Variants in SLC35F4 observed in about 807,000 individuals in gnomAD.
SLC35F4 encodes solute carrier family 35 member F4.
In SLC35F4, 24 loss-of-function variants were observed where a neutral mutation model predicts 44.2. That is an observed-to-expected ratio of 0.54 (90% CI 0.39 to 0.76). The LOEUF is 0.76. Ranked by LOEUF, SLC35F4 falls within the 30% of genes least tolerant of loss-of-function variation. The probability of loss-of-function intolerance (pLI) is 0.00; values close to 1 mark genes in which losing one functional copy is unlikely to be tolerated. For synonymous variants in SLC35F4, 238 were observed against 223.6 expected, an observed-to-expected ratio of 1.06 and a Z score of -0.57; for missense variants, 562 against 586.1, an observed-to-expected ratio of 0.96 and a Z score of 0.42.
intron 1 of SLC35F4, among the ~76,000 whole-genome samples, chr14:57,912,097 A>T (rs879431305): frequency 2.0e-5 from 3 of 151,866 alleles, no homozygotes; most frequent in African/African-American, 4.8e-5. Context: ...TTTAATGTTT[A>T]TGAGGTTGTA....
In SLC35F4 at chr14:57,732,981, G is replaced by C. The variant is rs570300555; in HGVS notation, c.103+132742C>G. Among the ~76,000 whole-genome samples, 3 of 152,126 alleles carry C rather than the reference G, an allele frequency of 2.0e-5. No individual in the cohort carries two copies. In the South Asian group the frequency reaches 6.2e-4, roughly 32 times the overall value. ...AGAAAAGGATATGAATTGAGCTTCA[G>C]AATTAAAGGTGACAGGAAGGGCAGT... On this transcript the variant is annotated intron_variant, in intron 1 of 7. Transcript: ENST00000556826.
intron 3 of SLC35F4, among the ~76,000 whole-genome samples, chr14:57,585,888 T>G (rs2069679470): frequency 6.6e-6 from 1 of 152,218 alleles, no homozygotes; most frequent in Non-Finnish European, 1.5e-5. Context: ...ATCGTCAAAA[T>G]GGCCATACTG....
chr14:57,720,979 C>CATATATAT (rs3062932), intron 1 of SLC35F4, among the ~76,000 whole-genome samples: 6,057 of 49,336 alleles, frequency 0.12, 644 homozygotes, highest in Non-Finnish European at 0.16. Flanking sequence ...ATAAACTCCT[C>CATATATAT]ATATATATAT....
intron 1 of SLC35F4, among the ~76,000 whole-genome samples, chr14:57,610,575 C>T (rs1465144118): frequency 6.6e-6 from 1 of 152,212 alleles, no homozygotes; most frequent in Non-Finnish European, 1.5e-5. Context: ...TTTCTCTCAG[C>T]TCAGGATTCA....
chr14:57,863,523 T>C (rs971674714), intron 1 of SLC35F4, among the ~76,000 whole-genome samples: 1 of 152,250 alleles, frequency 6.6e-6, no homozygotes, highest in Non-Finnish European at 1.5e-5. Context: ...TATTCATCAC[T>C]GTAGCCTTTT....
intron 1 of SLC35F4, among the ~76,000 whole-genome samples, chr14:57,733,144 T>A (rs2076381880): frequency 6.6e-6 from 1 of 152,142 alleles, no homozygotes; most frequent in East Asian, 1.9e-4. Context: ...TGGGCACTGG[T>A]CCAACTGCCA....
At chr14:57,880,008 G>GGGAAA (rs147114000) in intron 1 of SLC35F4, among the ~76,000 whole-genome samples, 7 of 136,102 alleles carry the variant, frequency 5.1e-5, no homozygotes, top group South Asian at 4.8e-4. Flanking sequence ...GGAAAGAGAA[G>GGGAAA]GGAAAGGAAA....
intron 1 of SLC35F4, among the ~76,000 whole-genome samples, chr14:57,894,512 G>A (rs1888833594): frequency 6.6e-6 from 1 of 152,006 alleles, no homozygotes; most frequent in African/African-American, 2.4e-5. Flanking sequence ...GTGAAAAACT[G>A]CATAACAATA....
chr14:57,957,281 G>T (rs1462917542), intron 1 of SLC35F4, among the ~76,000 whole-genome samples: 1 of 151,994 alleles, frequency 6.6e-6, no homozygotes, highest in African/African-American at 2.4e-5. Flanking sequence ...ACACACCGGG[G>T]ACTGTCAGGG....
chr14:57,803,373 C>T (rs969936368), intron 1 of SLC35F4, among the ~76,000 whole-genome samples: 2 of 152,136 alleles, frequency 1.3e-5, no homozygotes, highest in African/African-American at 4.8e-5. Context: ...AAGCTAGAAG[C>T]ATTCTCCTTG....
At chr14:57,771,910 T>C (rs1010315693) in intron 1 of SLC35F4, among the ~76,000 whole-genome samples, 2 of 152,140 alleles carry the variant, frequency 1.3e-5, no homozygotes, top group African/African-American at 4.8e-5. Flanking sequence ...CTTTTTTTTT[T>C]AAAGCATAGC....
chr14:57,653,088 G>A (rs779381481), intron 1 of SLC35F4, among the ~76,000 whole-genome samples: 11 of 152,102 alleles, frequency 7.2e-5, no homozygotes, highest in African/African-American at 1.2e-4. Flanking sequence ...AAAACCTCAG[G>A]TACATATTCC....
intron 1 of SLC35F4, among the ~76,000 whole-genome samples, chr14:57,704,905 G>T (rs755058725): frequency 1.1e-4 from 17 of 152,180 alleles, no homozygotes; most frequent in Non-Finnish European, 2.2e-4. Context: ...GCTTCTTGCA[G>T]CAGAGTGGAA....
At chr14:57,945,969 T>G (rs1210432396) in intron 1 of SLC35F4, among the ~76,000 whole-genome samples, 2 of 152,172 alleles carry the variant, frequency 1.3e-5, no homozygotes, top group African/African-American at 4.8e-5. Flanking sequence ...TTGATGGGAT[T>G]ATTTGTTTTC....
chr14:57,726,515 T>A (rs927904267), intron 1 of SLC35F4, among the ~76,000 whole-genome samples: 2 of 152,274 alleles, frequency 1.3e-5, no homozygotes, highest in Non-Finnish European at 2.9e-5. Flanking sequence ...CCTTTTCCTT[T>A]ATCACATGAC....
intron 1 of SLC35F4, among the ~76,000 whole-genome samples, chr14:57,740,222 TA>T (rs562206108): frequency 4.6e-5 from 7 of 152,106 alleles, no homozygotes; most frequent in Admixed American, 6.6e-5. Flanking sequence ...AAGAATGATA[TA>T]AAAAAACCAC....
intron 1 of SLC35F4, among the ~76,000 whole-genome samples, chr14:57,959,963 G>A (rs191255020): frequency 6.6e-6 from 1 of 152,090 alleles, no homozygotes; most frequent in Admixed American, 6.5e-5. Context: ...ACTCCTGCTG[G>A]GAATGGCTGG....
chr14:57,817,262 C>G (rs1882700490), intron 1 of SLC35F4, among the ~76,000 whole-genome samples: 1 of 152,150 alleles, frequency 6.6e-6, no homozygotes, highest in Non-Finnish European at 1.5e-5. Context: ...TATGTCTTAA[C>G]CAGTGCCCTG....
chr14:57,827,366 G>C (rs899802348), intron 1 of SLC35F4, among the ~76,000 whole-genome samples: 1 of 152,122 alleles, frequency 6.6e-6, no homozygotes, highest in African/African-American at 2.4e-5. Flanking sequence ...GGGGGAGGGA[G>C]AGCATCAGGA....
Sources: allele counts gnomAD v4.1 joint callset (sites outside exome capture counted in the v4.1 genomes callset), GRCh38; gene constraint gnomAD v4.1.1; transcripts MANE v1.5; gene names NCBI Gene and HGNC (gene_info 2026-07-23, HGNC 2026-07-21).